The following PIWIL1 variants were observed in gnomAD, a reference collection of about 807,000 sequenced individuals.
The protein encoded by PIWIL1 is piwi like RNA-mediated gene silencing 1.
In PIWIL1, 73 loss-of-function variants were observed where a neutral mutation model predicts 114.4. The observed-to-expected ratio is 0.64, with a 90% CI of 0.53 to 0.78. The LOEUF is 0.78. Ranked by LOEUF, PIWIL1 falls within the 30% of genes least tolerant of loss-of-function variation. The pLI is 0.00. For synonymous variants in PIWIL1, 375 were observed against 369.0 expected (o/e 1.02, Z -0.19); for missense variants, 723 against 1,063.1 (o/e 0.68, Z 4.45).
At chr12:130,414,295 G>A in the PIWIL1 span, 2 of 1,589,098 alleles carry the variant, frequency 1.3e-6, no homozygotes, top group Non-Finnish European at 8.6e-7. Context: ...AGGCGGTCTC[G>A]CCCGTAATCG....
At chr12:130,364,296 A>G (rs35353067) in intron 18 of PIWIL1, among the ~76,000 whole-genome samples, 4,032 of 152,318 alleles carry the variant, frequency 0.026, 64 homozygotes, top group Middle Eastern at 0.051. Context: ...TTGTATCATT[A>G]TAGAAAGGAG....
At chr12:130,388,822 G>C in the PIWIL1 span, among the ~76,000 whole-genome samples, 1 of 151,978 alleles carries the variant, frequency 6.6e-6, no homozygotes, top group Non-Finnish European at 1.5e-5. Context: ...CTAATGATTT[G>C]CCTGTAGTAT....
At position 130,361,252 on chromosome 12, in the gene PIWIL1, C is replaced by T. The variant is rs751312582; in HGVS notation, c.1738C>T (p.Pro580Ser). The T allele has an allele frequency of 5.0e-6, 8 of 1,614,056 alleles. No individual in the cohort carries two copies. The Admixed American group carries it at 6.7e-5, about 13-fold the overall frequency. ...AIKKYLCTDC[P>S]TPSQCVVART... ...TAAAAAATACCTGTGTACAGATTGC[C>T]CTACCCCAAGTCAGTGTGTGGTGGC... Residue 580 changes from proline (P) to serine (S), a missense_variant, in exon 15 of 21, where the codon CCT becomes TCT. This residue lies in a region of PIWIL1 where 298 missense variants were observed against 420.8 expected (regional missense o/e 0.71). Coordinates refer to ENST00000245255, the MANE Select transcript of PIWIL1 (RefSeq NM_004764.5).
Position 130,362,992 on chromosome 12 carries a change from G to T in PIWIL1, c.2043G>T (p.Ala681=). The T allele has an allele frequency of 6.2e-7, 1 of 1,613,704 alleles. No individual in the cohort carries two copies. The highest frequency in any genetic ancestry group is 8.5e-7 in the Non-Finnish European group (1 of 1,179,710). The change falls in exon 18 of 21, where the codon GCG becomes GCT. Residue 681 remains alanine (A), a splice_region_variant and synonymous_variant. Coordinates refer to ENST00000245255, the MANE Select transcript of PIWIL1 (RefSeq NM_004764.5). ...LVDGLKVCLQ[A]ALRAWNSCNE... is the part of the protein sequence containing the mutation. ...TAAAACTTCTCTGGCCTGTTTCAGC[G>T]GCTCTGAGGGCTTGGAATAGCTGCA...
Position 130,347,073 on chromosome 12 carries a change from T to C in PIWIL1, c.653+11T>C. 6.3e-7 allele frequency: 1 copy of C among 1,580,494 alleles called. No individual in the cohort carries two copies. The highest frequency in any genetic ancestry group is 8.6e-7 in the Non-Finnish European group (1 of 1,157,406). On this transcript the variant is annotated intron_variant, in intron 6 of 20. Coordinates refer to ENST00000245255, the MANE Select transcript of PIWIL1 (RefSeq NM_004764.5). ...TATTATTTTCAGGAGGTATGTGTTT[T>C]ATTTCAACATTTTATTAAGAAAACA...
the PIWIL1 span, among the ~76,000 whole-genome samples, chr12:130,419,019 T>C: frequency 6.6e-6 from 1 of 152,150 alleles, no homozygotes; most frequent in Non-Finnish European, 1.5e-5. The surrounding 1 kb of genome is among the most constrained non-coding windows in gnomAD (Gnocchi z 4.3). Context: ...GTTGAACGTA[T>C]GTGAATAAAA....
At chr12:130,395,095 A>G in the PIWIL1 span, among the ~76,000 whole-genome samples, 2 of 152,176 alleles carry the variant, frequency 1.3e-5, no homozygotes, top group African/African-American at 4.8e-5. Flanking sequence ...CTTCCTTAGA[A>G]GCAGCGGGAG....
intron 1 of PIWIL1, among the ~76,000 whole-genome samples, chr12:130,339,234 C>T (rs1252186331): frequency 7.9e-5 from 12 of 152,096 alleles, no homozygotes; most frequent in Admixed American, 7.9e-4. Flanking sequence ...CGGCCCGGCC[C>T]TTGGCACCTG....
chr12:130,362,101 A>G (rs115880587), intron 16 of PIWIL1, among the ~76,000 whole-genome samples: 1,985 of 152,258 alleles, frequency 0.013, 43 homozygotes, highest in African/African-American at 0.046. Flanking sequence ...TAGTTTCAGG[A>G]GTGCATGTGC....
the PIWIL1 span, chr12:130,424,252 TGGGCTCGCCCCAGCCGTGCTTCCTGGG>T: frequency 8.1e-7 from 1 of 1,231,826 alleles, no homozygotes; most frequent in Non-Finnish European, 1.0e-6. The surrounding 1 kb of genome is among the most constrained non-coding windows in gnomAD (Gnocchi z 9.8). Flanking sequence ...TGGTGCTCGG[TGGGCTCGCCCCAGCCGTGCTTCCTGGG>T]GGGCGGCCTC....
chr12:130,372,838 G>A (rs1397281412), downstream of PIWIL1, among the ~76,000 whole-genome samples: 1 of 152,080 alleles, frequency 6.6e-6, no homozygotes, highest in Admixed American at 6.5e-5. Context: ...AGGAACGTTT[G>A]CAAAGAGAAG....
chr12:130,425,173 G>C, the PIWIL1 span: 1 of 260,066 alleles, frequency 3.8e-6, no homozygotes. Flanking sequence ...GCCCCACAGT[G>C]CCCACGGTAC....
intron 12 of PIWIL1, 93 bp from the exon 13 acceptor site, chr12:130,356,825 C>A: frequency 1.1e-6 from 1 of 876,688 alleles, no homozygotes; most frequent in Non-Finnish European, 1.7e-6. Context: ...CACTAAGTTT[C>A]AAAATATGCC....
At chr12:130,355,276 G>T (rs2073333140) in intron 11 of PIWIL1, among the ~76,000 whole-genome samples, 2 of 152,160 alleles carry the variant, frequency 1.3e-5, no homozygotes, top group South Asian at 4.1e-4. Flanking sequence ...GATGTTTCTG[G>T]TCAAATCTTT....
chr12:130,400,327 G>A, the PIWIL1 span, among the ~76,000 whole-genome samples: 41 of 152,288 alleles, frequency 2.7e-4, no homozygotes, highest in East Asian at 6.9e-3. Context: ...GGTTATTATC[G>A]TAAACATTCA....
the PIWIL1 span, chr12:130,399,810 C>G: frequency 6.2e-7 from 1 of 1,614,034 alleles, no homozygotes; most frequent in Non-Finnish European, 8.5e-7. Flanking sequence ...CCATTCAGCT[C>G]CCCCTAAAAC....
At chr12:130,381,651 C>T in the PIWIL1 span, among the ~76,000 whole-genome samples, 1 of 152,214 alleles carries the variant, frequency 6.6e-6, no homozygotes, top group Non-Finnish European at 1.5e-5. Context: ...TGTATGGATA[C>T]ACCTTTTCAA....
At chr12:130,412,662 A>C in the PIWIL1 span, 80 of 1,613,842 alleles carry the variant, frequency 5.0e-5, no homozygotes, top group Non-Finnish European at 6.7e-5. Flanking sequence ...AGCCCTGTCT[A>C]AGAAGCTGAT....
intron 1 of PIWIL1, 57 bp downstream of exon 1, chr12:130,338,203 C>T (rs1169194536): frequency 3.6e-6 from 1 of 279,170 alleles, no homozygotes; most frequent in South Asian, 2.6e-5. Flanking sequence ...GGGGCGGCGG[C>T]TGGGGGTCCG....
Sources: gnomAD v4.1 joint callset for allele counts (sites outside exome capture counted in the v4.1 genomes callset) on GRCh38, gnomAD v4.1.1 for gene constraint, gnomAD v4.1.1 regional missense constraint, Gnocchi (gnomAD v3.1) non-coding constraint, MANE v1.5 for transcripts, NCBI Gene and HGNC (gene_info 2026-07-23, HGNC 2026-07-21) for gene names.